The following SREBF2 variants were observed in gnomAD, a reference collection of about 807,000 sequenced individuals.
SREBF2 encodes sterol regulatory element-binding protein 2.
Under a neutral mutation model 113.1 loss-of-function variants are expected in SREBF2, and 55 were observed. That is an observed-to-expected ratio of 0.49 (90% CI 0.39 to 0.61). The LOEUF (loss-of-function observed/expected upper bound fraction) is 0.61, where lower values mean the gene tolerates loss of function less well. Among genes scored for constraint, SREBF2 ranks in the 20% least tolerant of loss-of-function variants. The probability of loss-of-function intolerance (pLI) is 0.00; values close to 1 mark genes in which losing one functional copy is unlikely to be tolerated. For synonymous variants in SREBF2, 593 were observed against 605.7 expected (o/e 0.98, Z 0.31); for missense variants, 1,349 against 1,487.4 (o/e 0.91, Z 1.53).
chr22:41,855,251 C>A (rs951102248), intron 1 of SREBF2, among the ~76,000 whole-genome samples: 1 of 152,004 alleles, frequency 6.6e-6, no homozygotes, highest in Admixed American at 6.6e-5. Context: ...GGCCAGATTC[C>A]GTGGTTCATG....
rs1373970901 is a variant in SREBF2, at chr22:41,875,562, C to A, written c.1224C>A (p.Asp408Glu). The change falls in exon 7 of 19, where the codon GAC (aspartate) becomes GAA (glutamate). Residue 408 changes from aspartate to glutamate, a missense_variant. By Grantham distance (45) the Asp-to-Glu change is conservative. Around this residue, in one of 2 missense-constraint regions of SREBF2, gnomAD observed 699 missense variants for 843.3 expected, o/e 0.83. Transcript: ENST00000361204. ...NQKNKLLKGI[D>E]LGSLVDNEVD... ...TTGCAGAGCTTCTAAAGGGCATCGA[C>A]CTAGGCAGTCTGGTGGACAATGAGG... The A allele has an allele frequency of 3.1e-6, 5 of 1,614,198 alleles. No homozygotes were observed. In the East Asian group the frequency reaches 1.1e-4, roughly 36 times the overall value.
At chr22:41,865,890 C>G (rs2077069928) in intron 1 of SREBF2, among the ~76,000 whole-genome samples, 1 of 152,212 alleles carries the variant, frequency 6.6e-6, no homozygotes, top group South Asian at 2.1e-4. Flanking sequence ...ACTTTCCTCT[C>G]CTGGACTTCA....
Position 41,902,966 on chromosome 22 carries a change from A to G in SREBF2, c.2908-4A>G, listed in dbSNP as rs1305158323. 2.5e-6 allele frequency: 4 copies of G among 1,608,790 alleles called. No homozygotes were observed. In the African/African-American group the frequency reaches 4.0e-5, roughly 16 times the overall value. ...TCTCCCCTCTCTCGTGGCTGACCCC[A>G]CAGGTGGTCCAGCTGCTCACCTGTG... On this transcript the variant is annotated splice_polypyrimidine_tract_variant and splice_region_variant and intron_variant, in intron 16 of 18. Transcript: ENST00000361204.
chr22:41,840,468 A>AGTTCTTACCCAGTT (rs1191140062), intron 1 of SREBF2, among the ~76,000 whole-genome samples: 1 of 151,956 alleles, frequency 6.6e-6, no homozygotes, highest in Non-Finnish European at 1.5e-5. Flanking sequence ...ATTTTTACTC[A>AGTTCTTACCCAGTT]CTTATTTTAG....
chr22:41,893,161 C>G lies in SREBF2; in HGVS notation c.2253C>G (p.His751Gln), dbSNP rs770965095. The change falls in exon 12 of 19, where the codon CAC (histidine) becomes CAG (glutamine). Residue 751 changes from histidine (H) to glutamine (Q), a missense_variant. By Grantham distance (24) the His-to-Gln change is conservative. Coordinates refer to ENST00000361204, the MANE Select transcript of SREBF2 (RefSeq NM_004599.4). ...SRAQSLCGPE[H>Q]SAVPDSLRWL... ...CCCAGAGCCTGTGTGGCCCCGAGCA[C>G]AGTGCTGTTCCTGACTCCCTGCGCT... The G allele has an allele frequency of 1.3e-5, 21 of 1,614,040 alleles. No homozygotes were observed. The African/African-American group carries it at 2.0e-4, about 15-fold the overall frequency.
chr22:41,869,823 T>C (rs2077123010), intron 3 of SREBF2, among the ~76,000 whole-genome samples: 1 of 151,890 alleles, frequency 6.6e-6, no homozygotes, highest in African/African-American at 2.4e-5. Context: ...AAAAAACGTC[T>C]TTATGTTATA....
chr22:41,879,415 G>A (rs1182027255), intron 9 of SREBF2, among the ~76,000 whole-genome samples: 1 of 152,196 alleles, frequency 6.6e-6, no homozygotes, highest in Non-Finnish European at 1.5e-5. Context: ...CTGAGCAGGG[G>A]CGGGGCCAGA....
At chr22:41,899,830 C>G (rs1467191692) in intron 15 of SREBF2, among the ~76,000 whole-genome samples, 1 of 152,174 alleles carries the variant, frequency 6.6e-6, no homozygotes, top group Non-Finnish European at 1.5e-5. Context: ...TCACTTACCC[C>G]TGGGTCCCTC....
intron 2 of SREBF2, among the ~76,000 whole-genome samples, chr22:41,868,332 C>A (rs139650400): frequency 2.6e-5 from 4 of 152,228 alleles, no homozygotes; most frequent in African/African-American, 9.6e-5. Context: ...CTGTTAACTC[C>A]CTTGCTGGGT....
At chr22:41,853,015 GC>G (rs1317295609) in intron 1 of SREBF2, among the ~76,000 whole-genome samples, 8 of 152,246 alleles carry the variant, frequency 5.3e-5, no homozygotes, top group Admixed American at 5.2e-4. Flanking sequence ...GTCCCAAAGT[GC>G]TGGGATTACA....
At position 41,878,126 on chromosome 22, in the gene SREBF2, G is replaced by A; in HGVS notation, c.1761+3G>A. The A allele has an allele frequency of 6.2e-7, 1 of 1,613,908 alleles. No individual in the cohort carries two copies. The highest frequency in any genetic ancestry group is 8.5e-7 in the Non-Finnish European group (1 of 1,180,040). On this transcript the variant is annotated splice_donor_region_variant and intron_variant, in intron 9 of 18. Coordinates refer to ENST00000361204, the MANE Select transcript of SREBF2 (RefSeq NM_004599.4). ...AGGCAGATCTGGATCTCGCCAGAGT[G>A]AGTTCTGTGTCCGCCCTTCCCCATC...
intron 3 of SREBF2, 121 bp from the exon 4 acceptor site, chr22:41,870,768 T>C: frequency 7.3e-7 from 1 of 1,378,010 alleles, no homozygotes; most frequent in Non-Finnish European, 1.0e-6. Context: ...TTTTTTATTC[T>C]CAATTTCATA....
chr22:41,858,983 C>T lies in SREBF2; in HGVS notation c.89-7848C>T, dbSNP rs190412091. Among the ~76,000 whole-genome samples, 8 of 151,746 alleles carry T rather than the reference C, an allele frequency of 5.3e-5. No individual in the cohort carries two copies. In the East Asian group the frequency reaches 9.7e-4, roughly 18 times the overall value. ...ATGGTGAAACCCCGTCTCTACTGGG[C>T]GTGGTGGCGGGCGCCTGTAATCCCA... On this transcript the variant is annotated intron_variant, in intron 1 of 18. Transcript: ENST00000361204.
chr22:41,900,007 G>A, intron 15 of SREBF2: 2 of 1,270,058 alleles, frequency 1.6e-6, no homozygotes, highest in Non-Finnish European at 2.0e-6. Context: ...ACCTTATTGT[G>A]GCCACTTTAT....
At chr22:41,852,889 G>T (rs2148356235) in intron 1 of SREBF2, among the ~76,000 whole-genome samples, 1 of 151,914 alleles carries the variant, frequency 6.6e-6, no homozygotes, top group East Asian at 1.9e-4. Flanking sequence ...CCAAGTAGCT[G>T]CAGGCATGTG....
At chr22:41,875,820 T>A in intron 7 of SREBF2, 96 bp downstream of exon 7, 2 of 1,363,526 alleles carry the variant, frequency 1.5e-6, no homozygotes, top group Non-Finnish European at 2.1e-6. Flanking sequence ...GGCCGCATGT[T>A]AAGAGGGCCT....
intron 10 of SREBF2, 94 bp from the exon 11 acceptor site, chr22:41,884,748 G>A (rs774617996): frequency 1.5e-6 from 2 of 1,366,646 alleles, no homozygotes; most frequent in Admixed American, 1.7e-5. Flanking sequence ...CTTCTCCCCT[G>A]GTTCCTCTCT....
At position 41,870,965 on chromosome 22, in the gene SREBF2, T is replaced by C. The variant is rs775178252; in HGVS notation, c.797T>C (p.Met266Thr). Residue 266 changes from methionine to threonine, a missense_variant, in exon 4 of 19, where the codon ATG (methionine) becomes ACG (threonine). This residue lies in a region of SREBF2 where 699 missense variants were observed against 843.3 expected (regional missense o/e 0.83). Coordinates refer to ENST00000361204, the MANE Select transcript of SREBF2 (RefSeq NM_004599.4). ...TTLKTDGSPV[M>T]AAVQNPALTA... ...CTGAAGACAGATGGCAGCCCTGTTA[T>C]GGCTGCGGTCCAGAACCCGGCCCTC... 2.4e-5 allele frequency: 39 copies of C among 1,614,046 alleles called. No homozygotes were observed. The highest frequency in any genetic ancestry group is 3.2e-5 in the Non-Finnish European group (38 of 1,180,026).
At chr22:41,889,808 C>G (rs1398597009) in intron 11 of SREBF2, among the ~76,000 whole-genome samples, 1 of 151,796 alleles carries the variant, frequency 6.6e-6, no homozygotes, top group Non-Finnish European at 1.5e-5. Context: ...TGAGACCAGC[C>G]TGGCCAACAT....
Sources: allele counts gnomAD v4.1 joint callset (sites outside exome capture counted in the v4.1 genomes callset), GRCh38; gene constraint gnomAD v4.1.1; regional missense constraint gnomAD v4.1.1; transcripts MANE v1.5; gene names NCBI Gene and HGNC (gene_info 2026-07-23, HGNC 2026-07-21).